OSGIN2: variants seen among roughly 807,000 people sequenced by gnomAD.
The protein encoded by OSGIN2 is oxidative stress induced growth inhibitor family member 2.
OSGIN2 carries 19 observed loss-of-function variants against 53.8 expected under a neutral mutation model. That is an observed-to-expected ratio of 0.35 (90% CI 0.25 to 0.52). The LOEUF (loss-of-function observed/expected upper bound fraction) is 0.52. OSGIN2 is among the 20% of genes least tolerant of loss of function. OSGIN2 has a pLI of 0.95. For synonymous variants in OSGIN2, 236 were observed against 236.0 expected (o/e 1.00, Z 0.00); for missense variants, 520 against 662.7 (o/e 0.78, Z 2.36).
intron 1 of OSGIN2, among the ~76,000 whole-genome samples, chr8:89,904,143 C>T (rs1445389818): frequency 2.0e-5 from 3 of 152,128 alleles, no homozygotes; most frequent in African/African-American, 7.2e-5. Flanking sequence ...AACTTTTAGG[C>T]AAATTTGTTG....
rs1259759772 is a variant in OSGIN2 at position 89,925,473 on chromosome 8, A to G, written c.1591A>G (p.Thr531Ala). ...GCTGGGTGTTACACGCTGTTTAGCTACAAGACAGAAGAAAAAGCATTTGTT... is the reference window on the plus strand; with the variant it reads ...GCTGGGTGTTACACGCTGTTTAGCTGCAAGACAGAAGAAAAAGCATTTGTT... ...GALGVTRCLA[T>A]RQKKKHLFVE... Residue 531 changes from threonine (T) to alanine (A), a missense_variant, in exon 6 of 6, where the codon ACA (threonine) becomes GCA (alanine). Coordinates refer to ENST00000451899, the MANE Select transcript of OSGIN2 (RefSeq NM_001126111.3). 1 of 1,614,020 alleles carries G rather than the reference A, an allele frequency of 6.2e-7. No homozygotes were observed. The highest frequency in any genetic ancestry group is 1.7e-5 in the Admixed American group (1 of 59,998).
chr8:89,912,732 G>A (rs1479102603), intron 2 of OSGIN2, among the ~76,000 whole-genome samples: 6 of 151,398 alleles, frequency 4.0e-5, no homozygotes, highest in Non-Finnish European at 7.4e-5. Context: ...GTGACACAGC[G>A]AGACTCTGTC....
chr8:89,917,464 C>T (rs932927292), intron 4 of OSGIN2, among the ~76,000 whole-genome samples: 2 of 152,192 alleles, frequency 1.3e-5, no homozygotes, highest in African/African-American at 2.4e-5. Flanking sequence ...CATTGTCCTT[C>T]TGTCACATAG....
intron 4 of OSGIN2, among the ~76,000 whole-genome samples, chr8:89,917,015 C>CT (rs1809093977): frequency 1.3e-5 from 2 of 152,158 alleles, no homozygotes; most frequent in South Asian, 4.1e-4. Context: ...CCATTTCTGG[C>CT]TTTTTTACCA....
At chr8:89,913,995 C>A in intron 2 of OSGIN2, 82 bp from the exon 3 acceptor site, 1 of 1,135,318 alleles carries the variant, frequency 8.8e-7, no homozygotes, top group Non-Finnish European at 1.3e-6. Context: ...AGAAAAGAGC[C>A]ATCTTCAAAG....
At chr8:89,914,981 C>G (rs530004077) in intron 4 of OSGIN2, among the ~76,000 whole-genome samples, 1 of 152,100 alleles carries the variant, frequency 6.6e-6, no homozygotes, top group Non-Finnish European at 1.5e-5. Context: ...TACTATCTTA[C>G]AAGAATTATG....
chr8:89,917,831 C>T (rs1459746331), intron 4 of OSGIN2, among the ~76,000 whole-genome samples: 3 of 152,162 alleles, frequency 2.0e-5, no homozygotes, highest in Non-Finnish European at 2.9e-5. Context: ...GGCTCACCTT[C>T]CAGCCACATT....
intron 2 of OSGIN2, among the ~76,000 whole-genome samples, chr8:89,911,206 A>AT (rs1563467239): frequency 6.6e-6 from 1 of 152,100 alleles, no homozygotes; most frequent in Non-Finnish European, 1.5e-5. Flanking sequence ...AAAGTTCTCT[A>AT]TTTTTAAGGA....
rs976978913 is a variant in OSGIN2 at position 89,926,660 on chromosome 8, GTC to G, written c.*1130_*1131del. On this transcript the variant is annotated 3_prime_UTR_variant, in exon 6 of 6. Transcript: ENST00000451899. ...TTCTAATTATATAAGTGTGTTTACT[GTC>G]TGTGTTTTCACACAAACTGCTAGAA... 2.6e-5 allele frequency: 4 copies of G among 152,114 alleles called. No individual in the cohort carries two copies. Among genetic ancestry groups the G allele is most frequent in the Non-Finnish European group, 4.4e-5 (3 of 68,000 alleles). The allele number at this position is 152,114 out of a possible 1,614,324, so 9.4% of individuals were successfully genotyped here.
In OSGIN2 at chr8:89,925,340, T is replaced by A; in HGVS notation, c.1458T>A (p.Asn486Lys). ...GCCAGCCAATCACATGTAAGGGTAATCCTGTGGAAATAGATACATATACCT... is the reference window on the plus strand; with the variant it reads ...GCCAGCCAATCACATGTAAGGGTAAACCTGTGGAAATAGATACATATACCT... ...KSSQPITCKG[N>K]PVEIDTYTYE... The change falls in exon 6 of 6, where the codon AAT (asparagine) becomes AAA (lysine). Residue 486 changes from asparagine to lysine, a missense_variant. Asn to Lys is a moderately conservative substitution (Grantham distance 94, BLOSUM62 0). Around this residue, in one of 3 missense-constraint regions of OSGIN2, gnomAD observed 239 missense variants for 328.3 expected, o/e 0.73. Coordinates refer to ENST00000451899, the MANE Select transcript of OSGIN2 (RefSeq NM_001126111.3). 1 of 1,614,132 alleles carries A rather than the reference T, an allele frequency of 6.2e-7. No individual in the cohort carries two copies.
chr8:89,925,357 C>A lies in OSGIN2; in HGVS notation c.1475C>A (p.Thr492Lys). ...TCKGNPVEIDTYTYECIKEAN... is the reference protein window; with the variant it reads ...TCKGNPVEIDKYTYECIKEAN... Reference sequence around the variant, plus strand: ...AAGGGTAATCCTGTGGAAATAGATACATATACCTATGAGTGTATTAAAGAA... The same window carrying A: ...AAGGGTAATCCTGTGGAAATAGATAAATATACCTATGAGTGTATTAAAGAA... The change falls in exon 6 of 6, where the codon ACA (threonine) becomes AAA (lysine). Residue 492 changes from threonine (T) to lysine (K), a missense_variant. Transcript: ENST00000451899. 6.2e-7 allele frequency: 1 copy of A among 1,614,048 alleles called. No individual in the cohort carries two copies. The highest frequency in any genetic ancestry group is 8.5e-7 in the Non-Finnish European group (1 of 1,179,936).
In OSGIN2 at chr8:89,927,305, AAAG is replaced by A. The variant is rs1412675639; in HGVS notation, c.*1775_*1777del. The A allele has an allele frequency of 2.0e-5, 3 of 151,884 alleles. No homozygotes were observed. The highest frequency in any genetic ancestry group is 4.4e-5 in the Non-Finnish European group (3 of 67,960). The allele number at this position is 151,884 out of a possible 1,614,324, so 9.4% of individuals were successfully genotyped here. ...ATGAGAGTATTTGTTAAAAAAAAAA[AAAG>A]ACTTCAAGAAAAATAAAAGTTCAGT... On this transcript the variant is annotated 3_prime_UTR_variant, in exon 6 of 6. Coordinates refer to ENST00000451899, the MANE Select transcript of OSGIN2 (RefSeq NM_001126111.3).
intron 4 of OSGIN2, among the ~76,000 whole-genome samples, chr8:89,916,243 C>T (rs1323356704): frequency 8.0e-6 from 1 of 125,510 alleles, no homozygotes; most frequent in Non-Finnish European, 1.6e-5. Flanking sequence ...TGATCTGTTT[C>T]ATTTCTTTCA....
In OSGIN2 at chr8:89,909,619, T is replaced by A; in HGVS notation, c.97T>A (p.Tyr33Asn). 6.2e-7 allele frequency: 1 copy of A among 1,607,958 alleles called. No individual in the cohort carries two copies. Among genetic ancestry groups the A allele is most frequent in the Non-Finnish European group, 8.5e-7 (1 of 1,175,712 alleles). Residue 33 changes from tyrosine to asparagine, a missense_variant, in exon 2 of 6, where the codon TAC becomes AAC. Around this residue, in one of 3 missense-constraint regions of OSGIN2, gnomAD observed 203 missense variants for 275.3 expected, o/e 0.74. Coordinates refer to ENST00000451899, the MANE Select transcript of OSGIN2 (RefSeq NM_001126111.3). ...AGAGATTTTTAATTCCTTAGTGCAA[T>A]ACTTTGGTGACAACTTGGGGCGAAA... ...EGEIFNSLVQ[Y>N]FGDNLGRKVK...
chr8:89,923,641 G>A (rs1200291340), intron 5 of OSGIN2, among the ~76,000 whole-genome samples: 1 of 152,208 alleles, frequency 6.6e-6, no homozygotes, highest in Non-Finnish European at 1.5e-5. Flanking sequence ...GCTAGTGTAA[G>A]TGCTCTGAGC....
chr8:89,921,300 C>T (rs902619463), intron 5 of OSGIN2, 129 bp downstream of exon 5: 3 of 588,226 alleles, frequency 5.1e-6, no homozygotes, highest in Non-Finnish European at 9.0e-6. Flanking sequence ...AAAAATGTGT[C>T]CTTGAAGCAG....
chr8:89,910,310 A>G (rs903013993), intron 2 of OSGIN2, among the ~76,000 whole-genome samples: 4 of 152,232 alleles, frequency 2.6e-5, no homozygotes, highest in South Asian at 2.1e-4. Context: ...AGCTTTTATA[A>G]TTTAGTTTTA....
intron 4 of OSGIN2, among the ~76,000 whole-genome samples, chr8:89,919,439 T>G (rs1809151820): frequency 6.6e-6 from 1 of 152,232 alleles, no homozygotes; most frequent in Non-Finnish European, 1.5e-5. Context: ...AGCTCCCATG[T>G]GACTCACCTC....
chr8:89,903,158 A>G (rs1418030280), intron 1 of OSGIN2, among the ~76,000 whole-genome samples: 1 of 152,208 alleles, frequency 6.6e-6, no homozygotes, highest in East Asian at 1.9e-4. Flanking sequence ...AGGGGGTTCT[A>G]CGAAGTGCCT....
Sources: gnomAD v4.1 joint callset for allele counts (sites outside exome capture counted in the v4.1 genomes callset) on GRCh38, gnomAD v4.1.1 for gene constraint, gnomAD v4.1.1 regional missense constraint, MANE v1.5 for transcripts, NCBI Gene and HGNC (gene_info 2026-07-23, HGNC 2026-07-21) for gene names.